FTO: variants seen among roughly 807,000 people sequenced by gnomAD.
FTO encodes alpha-ketoglutarate-dependent dioxygenase FTO.
Under a neutral mutation model 63.9 loss-of-function variants are expected in FTO, and 47 were observed. The ratio of observed to expected loss-of-function variants is 0.74; its 90% CI spans 0.58 to 0.94. FTO has a LOEUF of 0.94. Ranked by LOEUF, FTO falls within the 40% of genes least tolerant of loss-of-function variation. The probability of loss-of-function intolerance (pLI) is 0.00; values close to 1 mark genes in which losing one functional copy is unlikely to be tolerated. For missense variants in FTO, 562 were observed against 618.1 expected (o/e 0.91, Z 0.96); for synonymous variants, 207 against 224.4 (o/e 0.92, Z 0.69).
intron 7 of FTO, among the ~76,000 whole-genome samples, chr16:53,921,083 A>G (rs2081996242): frequency 6.6e-6 from 1 of 152,204 alleles, no homozygotes; most frequent in South Asian, 2.1e-4. Context: ...AGTTGGGTTA[A>G]AGACACACTG....
At chr16:53,828,259 G>A (rs1026455396) in intron 3 of FTO, among the ~76,000 whole-genome samples, 2 of 151,680 alleles carry the variant, frequency 1.3e-5, no homozygotes, top group East Asian at 3.9e-4. Context: ...TCGCTCTGTC[G>A]CCCAGGCTGG....
chr16:53,979,030 A>G (rs1158532105), intron 8 of FTO, among the ~76,000 whole-genome samples: 1 of 152,068 alleles, frequency 6.6e-6, no homozygotes, highest in African/African-American at 2.4e-5. Flanking sequence ...CCATAATCCT[A>G]CCACCCAGAA....
chr16:53,961,623 G>A (rs893835070), intron 8 of FTO, among the ~76,000 whole-genome samples: 5 of 152,214 alleles, frequency 3.3e-5, no homozygotes, highest in Non-Finnish European at 7.3e-5. Flanking sequence ...GCACTGGCTT[G>A]TGTTTCATCA....
chr16:53,749,690 C>T (rs985244461), intron 1 of FTO, among the ~76,000 whole-genome samples: 1 of 152,094 alleles, frequency 6.6e-6, no homozygotes, highest in Non-Finnish European at 1.5e-5. Context: ...CCGCCCGCCT[C>T]GGCCTCCCAA....
intron 8 of FTO, among the ~76,000 whole-genome samples, chr16:53,975,207 G>GT (rs201129496): frequency 0.061 from 8,769 of 143,964 alleles, 268 homozygotes; most frequent in South Asian, 0.13. Flanking sequence ...AATATTGTAA[G>GT]TTTTTTTTTT....
intron 8 of FTO, among the ~76,000 whole-genome samples, chr16:54,105,811 G>GTC (rs1186287621): frequency 2.2e-5 from 2 of 91,640 alleles, no homozygotes; most frequent in Non-Finnish European, 5.9e-5. Context: ...GTGTGTGTGT[G>GTC]TGTATGTTAC....
chr16:54,104,723 C>T (rs2086710566), intron 8 of FTO, among the ~76,000 whole-genome samples: 1 of 152,220 alleles, frequency 6.6e-6, no homozygotes, highest in African/African-American at 2.4e-5. Flanking sequence ...GGCCAAGTGA[C>T]TGTCAACTCC....
At chr16:53,749,389 G>T (rs1284653870) in intron 1 of FTO, among the ~76,000 whole-genome samples, 5 of 151,038 alleles carry the variant, frequency 3.3e-5, no homozygotes, top group Non-Finnish European at 7.4e-5. Context: ...GCAAGAGTGG[G>T]TATCTTTGTC....
intron 1 of FTO, among the ~76,000 whole-genome samples, chr16:53,750,968 A>G (rs2076775225): frequency 6.6e-6 from 1 of 152,244 alleles, no homozygotes; most frequent in Non-Finnish European, 1.5e-5. Context: ...GGGTGGTGAC[A>G]TTCCTGGTTT....
intron 1 of FTO, among the ~76,000 whole-genome samples, chr16:53,784,156 G>A (rs2077670188): frequency 6.6e-6 from 1 of 152,310 alleles, no homozygotes; most frequent in African/African-American, 2.4e-5. Flanking sequence ...TATATTCATA[G>A]CATCTTTCAT....
In FTO at chr16:53,741,236, T is replaced by C. The variant is rs111428395; in HGVS notation, c.45+37007T>C. On this transcript the variant is annotated intron_variant, in intron 1 of 8. Coordinates refer to ENST00000471389, the MANE Select transcript of FTO (RefSeq NM_001080432.3). Reference sequence around the variant, plus strand: ...GCCTGACGTGTTCATTATTACTATCTGGACCTTTATAGAAAAAAAATCTGC... The same window carrying C: ...GCCTGACGTGTTCATTATTACTATCCGGACCTTTATAGAAAAAAAATCTGC... Among the ~76,000 whole-genome samples, 1,391 of 152,356 alleles carry C rather than the reference T, an allele frequency of 9.1e-3. 18 individuals carry two copies. Among genetic ancestry groups the C allele is most frequent in the East Asian group, 0.039 (203 of 5,186 alleles).
At chr16:53,945,599 G>C (rs1218145953) in intron 8 of FTO, among the ~76,000 whole-genome samples, 5 of 152,142 alleles carry the variant, frequency 3.3e-5, no homozygotes, top group African/African-American at 1.2e-4. Flanking sequence ...ACACTTTTTA[G>C]TTGTGGGTGC....
At chr16:53,920,563 A>G (rs1484190182) in intron 7 of FTO, among the ~76,000 whole-genome samples, 1 of 152,092 alleles carries the variant, frequency 6.6e-6, no homozygotes, top group Non-Finnish European at 1.5e-5. Flanking sequence ...TTAGCTATAC[A>G]TTTCTCTCAT....
At chr16:54,060,086 T>C (rs1215707567) in intron 8 of FTO, among the ~76,000 whole-genome samples, 1 of 152,224 alleles carries the variant, frequency 6.6e-6, no homozygotes, top group Non-Finnish European at 1.5e-5. Flanking sequence ...TGTAACTCCA[T>C]GAATAATTTC....
chr16:53,712,186 G>T (rs937805331), intron 1 of FTO, among the ~76,000 whole-genome samples: 2 of 151,898 alleles, frequency 1.3e-5, no homozygotes, highest in Non-Finnish European at 2.9e-5. Flanking sequence ...TTCAAATTTG[G>T]CATTTTATTG....
intron 3 of FTO, among the ~76,000 whole-genome samples, chr16:53,827,558 T>G (rs957050794): frequency 1.3e-5 from 2 of 152,138 alleles, no homozygotes; most frequent in African/African-American, 4.8e-5. Context: ...GAAAAGAGAT[T>G]TAAGAAAAAA....
intron 4 of FTO, among the ~76,000 whole-genome samples, chr16:53,870,809 A>G (rs1185931700): frequency 4.6e-5 from 7 of 152,138 alleles, no homozygotes; most frequent in Non-Finnish European, 8.8e-5. Context: ...TCCTTCTGAC[A>G]TTATTTTTCT....
chr16:54,081,496 G>A (rs1042067547), intron 8 of FTO, among the ~76,000 whole-genome samples: 1 of 152,124 alleles, frequency 6.6e-6, no homozygotes, highest in Non-Finnish European at 1.5e-5. Context: ...GTCTCCCACT[G>A]TCTTCCACTT....
intron 3 of FTO, among the ~76,000 whole-genome samples, chr16:53,828,461 C>T (rs2079068000): frequency 6.6e-6 from 1 of 152,156 alleles, no homozygotes; most frequent in African/African-American, 2.4e-5. Context: ...CCCACCTCGG[C>T]CTCCCAAAGT....
Sources: gnomAD v4.1 joint callset for allele counts (sites outside exome capture counted in the v4.1 genomes callset) on GRCh38, gnomAD v4.1.1 for gene constraint, MANE v1.5 for transcripts, NCBI Gene and HGNC (gene_info 2026-07-23, HGNC 2026-07-21) for gene names.